Variants in PPP2R3A observed in about 807,000 individuals in gnomAD.
PPP2R3A encodes protein phosphatase 2 regulatory subunit B''alpha, also known as serine/threonine-protein phosphatase 2A regulatory subunit B'' subunit alpha.
A neutral mutation model predicts 106.9 loss-of-function variants in PPP2R3A; 80 were observed. That is an observed-to-expected ratio of 0.75 (90% CI 0.62 to 0.90). PPP2R3A has a LOEUF of 0.90. Ranked by LOEUF, PPP2R3A falls within the 40% of genes least tolerant of loss-of-function variation. The pLI, the probability that PPP2R3A is intolerant of heterozygous loss-of-function variation, is 0.00. For missense variants in PPP2R3A, 1,386 were observed against 1,350.4 expected, an observed-to-expected ratio of 1.03 and a Z score of -0.41; for synonymous variants, 483 against 468.3, an observed-to-expected ratio of 1.03 and a Z score of -0.41.
chr3:136,058,160 T>C (rs1935940994), intron 5 of PPP2R3A, among the ~76,000 whole-genome samples: 2 of 152,038 alleles, frequency 1.3e-5, no homozygotes, highest in Non-Finnish European at 2.9e-5. Context: ...TCAACTACAA[T>C]GGTATTGGAA....
At chr3:136,035,279 G>T (rs1935047591) in intron 3 of PPP2R3A, among the ~76,000 whole-genome samples, 1 of 151,964 alleles carries the variant, frequency 6.6e-6, no homozygotes, top group African/African-American at 2.4e-5. Context: ...GTATATCTTG[G>T]TTTTTTGTTT....
At chr3:136,025,077 T>G (rs543347537) in intron 2 of PPP2R3A, among the ~76,000 whole-genome samples, 2 of 152,280 alleles carry the variant, frequency 1.3e-5, no homozygotes, top group Middle Eastern at 3.4e-3. Flanking sequence ...TTCATCTAAT[T>G]TTTTGAGAAT....
intron 13 of PPP2R3A, among the ~76,000 whole-genome samples, chr3:136,110,892 T>G (rs1375889997): frequency 2.6e-5 from 4 of 152,062 alleles, no homozygotes; most frequent in African/African-American, 4.8e-5. Context: ...GGTCTGAAGA[T>G]CTACCAGAAA....
At chr3:136,033,905 C>T (rs984642505) in intron 3 of PPP2R3A, among the ~76,000 whole-genome samples, 1 of 151,058 alleles carries the variant, frequency 6.6e-6, no homozygotes. Flanking sequence ...TTTAGTTCTG[C>T]TCTGATCCTG....
At position 136,001,299 on chromosome 3, in the gene PPP2R3A, A is replaced by G; in HGVS notation, c.-200A>G. Reference sequence around the variant, plus strand: ...TATTAAATTATTAAATTTGCCACACATGTGCAGCAGCTACTGTATCCTGAT... The same window carrying G: ...TATTAAATTATTAAATTTGCCACACGTGTGCAGCAGCTACTGTATCCTGAT... On this transcript the variant is annotated 5_prime_UTR_variant, in exon 2 of 14. The change abolishes an upstream ATG in the 5' untranslated region. Coordinates refer to ENST00000264977, the MANE Select transcript of PPP2R3A (RefSeq NM_002718.5). The G allele has an allele frequency of 2.0e-6, 1 of 489,192 alleles. No individual in the cohort carries two copies. 30.3% of individuals were successfully genotyped at this position (489,192 alleles called of 1,614,324 possible). A position where few individuals can be genotyped will look rare whatever the true frequency, so the allele number is the denominator to read the frequency against.
chr3:136,070,382 A>G, intron 5 of PPP2R3A, 96 bp from the exon 6 acceptor site: 1 of 836,562 alleles, frequency 1.2e-6, no homozygotes, highest in Non-Finnish European at 1.8e-6. Flanking sequence ...GTAAAATAGC[A>G]AGTTTGCTCA....
At chr3:136,111,669 C>T (rs1026344660) in intron 13 of PPP2R3A, among the ~76,000 whole-genome samples, 1 of 151,266 alleles carries the variant, frequency 6.6e-6, no homozygotes, top group African/African-American at 2.4e-5. Context: ...AAAAAACTAC[C>T]AATCAGATAA....
chr3:136,007,539 G>A (rs1317772522), intron 2 of PPP2R3A, among the ~76,000 whole-genome samples: 1 of 152,158 alleles, frequency 6.6e-6, no homozygotes, highest in African/African-American at 2.4e-5. Flanking sequence ...GAAGGGTCTG[G>A]TCACCTTTCC....
chr3:136,107,590 A>G (rs1490189125), intron 13 of PPP2R3A, among the ~76,000 whole-genome samples: 2 of 152,238 alleles, frequency 1.3e-5, no homozygotes, highest in East Asian at 1.9e-4. Flanking sequence ...ATAGTCCTCA[A>G]TATAGATTGT....
At chr3:136,106,433 T>C (rs760069286) in intron 13 of PPP2R3A, 111 bp downstream of exon 13, 25 of 909,770 alleles carry the variant, frequency 2.7e-5, no homozygotes, top group Non-Finnish European at 3.8e-5. Context: ...TTGAATAGCA[T>C]AAAAATGTGA....
intron 12 of PPP2R3A, among the ~76,000 whole-genome samples, chr3:136,103,858 C>A (rs1395699528): frequency 6.6e-6 from 1 of 152,114 alleles, no homozygotes; most frequent in African/African-American, 2.4e-5. Flanking sequence ...TTAATGATTG[C>A]CGTTCATGGC....
intron 2 of PPP2R3A, among the ~76,000 whole-genome samples, chr3:136,005,274 A>G (rs1933802589): frequency 6.6e-6 from 1 of 152,200 alleles, no homozygotes; most frequent in African/African-American, 2.4e-5. Flanking sequence ...AAGGTATCCC[A>G]TTATGTATAT....
chr3:135,990,808 C>T (rs1460621098), intron 1 of PPP2R3A, among the ~76,000 whole-genome samples: 1 of 152,012 alleles, frequency 6.6e-6, no homozygotes, highest in Non-Finnish European at 1.5e-5. Flanking sequence ...CATCTTGTGT[C>T]CTCAAGTCTG....
At chr3:136,049,405 T>A (rs778845361) in intron 5 of PPP2R3A, 44 bp downstream of exon 5, 2 of 1,433,796 alleles carry the variant, frequency 1.4e-6, no homozygotes, top group East Asian at 4.6e-5. Flanking sequence ...ATTTTGGAGT[T>A]TCAGCAGTTT....
chr3:136,110,419 A>G (rs2107981703), intron 13 of PPP2R3A, among the ~76,000 whole-genome samples: 1 of 152,316 alleles, frequency 6.6e-6, no homozygotes, highest in South Asian at 2.1e-4. Flanking sequence ...AAATGCAGCC[A>G]TTGGACTGAA....
chr3:136,130,854 C>T (rs963091095), intron 13 of PPP2R3A, among the ~76,000 whole-genome samples: 2 of 152,188 alleles, frequency 1.3e-5, no homozygotes, highest in Non-Finnish European at 2.9e-5. Context: ...AATAACACCA[C>T]ACATCTACAA....
In PPP2R3A at chr3:136,001,696, A is replaced by G. The variant is rs894008089; in HGVS notation, c.198A>G (p.Ala66=). The part of the protein sequence containing the change: ...LHIPVSQFKD[A]DLNSMFLPHE... ...TCCCTGTGTCTCAGTTCAAAGATGC[A>G]GATCTGAACTCTATGTTTCTACCCC... Residue 66 remains alanine (A), a synonymous_variant, in exon 2 of 14, where the codon GCA becomes GCG. Coordinates refer to ENST00000264977, the MANE Select transcript of PPP2R3A (RefSeq NM_002718.5). 2 of 1,614,136 alleles carry G rather than the reference A, an allele frequency of 1.2e-6. No individual in the cohort carries two copies. Among genetic ancestry groups the G allele is most frequent in the Non-Finnish European group, 1.7e-6 (2 of 1,180,020 alleles).
At chr3:136,087,247 C>CTCTG (rs1936967044) in intron 8 of PPP2R3A, among the ~76,000 whole-genome samples, 1 of 64,308 alleles carries the variant, frequency 1.6e-5, no homozygotes, top group African/African-American at 9.6e-5. Context: ...CTAGTCGTGT[C>CTCTG]TCTCTCTCTC....
In PPP2R3A at chr3:136,002,093, TC is replaced by T. The variant is rs1393077901; in HGVS notation, c.597del (p.Met200CysfsTer21). On this transcript the variant is annotated frameshift_variant, in exon 2 of 14. Transcript: ENST00000264977. LOFTEE classifies it high-confidence loss of function. ...AAACTCACTGGATACGAACCTGACT[TC>T]CATGTTTCTTCAAAACTTTTCTGAA... ...HRNSLDTNLT[S>X]MFLQNFSEED... 6.2e-7 allele frequency: 1 copy of T among 1,614,128 alleles called. No individual in the cohort carries two copies. The highest frequency in any genetic ancestry group is 8.5e-7 in the Non-Finnish European group (1 of 1,179,998).
Sources: gnomAD v4.1 joint callset for allele counts (sites outside exome capture counted in the v4.1 genomes callset) on GRCh38, gnomAD v4.1.1 for gene constraint, MANE v1.5 for transcripts, NCBI Gene and HGNC (gene_info 2026-07-23, HGNC 2026-07-21) for gene names.